The following ZNF16 variants were observed in gnomAD, a reference collection of about 807,000 sequenced individuals.
ZNF16 encodes zinc finger protein KOX9.
In ZNF16, 7 loss-of-function variants were observed where a neutral mutation model predicts 9.0. The ratio of observed to expected loss-of-function variants is 0.78; its 90% CI spans 0.44 to 1.47. ZNF16 has a LOEUF of 1.47. Ranked by LOEUF, ZNF16 falls within the 40% of genes most tolerant of loss-of-function variation. The pLI, the probability that ZNF16 is intolerant of heterozygous loss-of-function variation, is 0.01. For synonymous variants in ZNF16, 312 were observed against 301.5 expected (o/e 1.03, Z -0.36); for missense variants, 830 against 854.2 (o/e 0.97, Z 0.35).
At position 144,930,663 on chromosome 8, in the gene ZNF16, C is replaced by T; in HGVS notation, c.*75G>A. 1 of 1,479,494 alleles carries T rather than the reference C, an allele frequency of 6.8e-7. No individual in the cohort carries two copies. The allele number at this position is 1,479,494 out of a possible 1,614,324, so 91.6% of individuals were successfully genotyped here. A position where few individuals can be genotyped will look rare whatever the true frequency, so the allele number is the denominator to read the frequency against. ...TCCAGGCTTTCGGTCTGGGAAGTGG[C>T]AGAGGCTGAGACAATGGCCAAAGAG... On this transcript the variant is annotated 3_prime_UTR_variant, in exon 3 of 3. Coordinates refer to ENST00000394909, the MANE Select transcript of ZNF16 (RefSeq NM_006958.3).
Position 144,930,669 on chromosome 8 carries a change from C to G in ZNF16, c.*69G>C, listed in dbSNP as rs938250298. The G allele has an allele frequency of 6.0e-6, 9 of 1,497,574 alleles. No homozygotes were observed. The Admixed American group carries it at 2.1e-4, about 35-fold the overall frequency. The allele number at this position is 1,497,574 out of a possible 1,614,324, so 92.8% of individuals were successfully genotyped here. A position where few individuals can be genotyped will look rare whatever the true frequency, so the allele number is the denominator to read the frequency against. The stretch of plus-strand genomic sequence containing the variant: ...CTTTCGGTCTGGGAAGTGGCAGAGG[C>G]TGAGACAATGGCCAAAGAGGAGTTG... On this transcript the variant is annotated 3_prime_UTR_variant, in exon 3 of 3. Coordinates refer to ENST00000394909, the MANE Select transcript of ZNF16 (RefSeq NM_006958.3).
At chr8:144,934,438 T>A (rs1312060353) in intron 2 of ZNF16, among the ~76,000 whole-genome samples, 1 of 152,260 alleles carries the variant, frequency 6.6e-6, no homozygotes, top group Non-Finnish European at 1.5e-5. Flanking sequence ...ACACTCCACA[T>A]GGGCTGCAGG....
chr8:144,945,861 C>T lies in ZNF16; in HGVS notation c.196+150G>A, dbSNP rs541008329. The T allele has an allele frequency of 1.9e-4, 274 of 1,408,600 alleles. No individual in the cohort carries two copies. In the African/African-American group the frequency reaches 3.5e-3, roughly 18 times the overall value. The allele number at this position is 1,408,600 out of a possible 1,614,324, so 87.3% of individuals were successfully genotyped here. On this transcript the variant is annotated intron_variant, in intron 2 of 2. Transcript: ENST00000394909. ...GGGCCAGGCTAGGTTAACTTCCTTG[C>T]TGACATCCAGCCTTGGCTCCTTGAG...
chr8:144,935,718 T>C (rs1833666320), intron 2 of ZNF16, among the ~76,000 whole-genome samples: 1 of 152,206 alleles, frequency 6.6e-6, no homozygotes, highest in African/African-American at 2.4e-5. Context: ...TCCAGGTTTG[T>C]GGAACAGCTT....
At position 144,932,326 on chromosome 8, in the gene ZNF16, TC is replaced by T. The variant is rs1438800266; in HGVS notation, c.460del (p.Asp154ThrfsTer11). The T allele has an allele frequency of 6.2e-7, 1 of 1,613,982 alleles. No individual in the cohort carries two copies. The highest frequency in any genetic ancestry group is 2.2e-5 in the East Asian group (1 of 44,868). On this transcript the variant is annotated frameshift_variant, in exon 3 of 3. Transcript: ENST00000394909. LOFTEE classifies it low-confidence loss of function (END_TRUNC). The surrounding 1 kb of genome is among the most constrained non-coding windows in gnomAD (Gnocchi z 5.0). ...GAAGCGACTGTCAAAACCATTACAG[TC>T]CAGATCTTTCTCCCCTAAGGGGCCC... ...LRGPLGEKDL[D>X]CNGFDSRFSL...
In ZNF16 at chr8:144,949,958, C is replaced by T. The variant is rs573649291; in HGVS notation, c.-10+839G>A. On this transcript the variant is annotated intron_variant, in intron 1 of 2. Transcript: ENST00000394909. ...GAGGAAGGCCACTCTCTCCTGCCTGCCCCTGGGAACTGAATGTCTCGGTAT... is the reference window on the plus strand; with the variant it reads ...GAGGAAGGCCACTCTCTCCTGCCTGTCCCTGGGAACTGAATGTCTCGGTAT... Among the ~76,000 whole-genome samples, 10 of 152,264 alleles carry T rather than the reference C, an allele frequency of 6.6e-5. No individual in the cohort carries two copies. The East Asian group carries it at 9.7e-4, about 15-fold the overall frequency.
At chr8:144,941,953 G>A (rs1385806213) in intron 2 of ZNF16, among the ~76,000 whole-genome samples, 2 of 145,614 alleles carry the variant, frequency 1.4e-5, no homozygotes, top group African/African-American at 2.6e-5. Flanking sequence ...CACCGCGCCT[G>A]GCCTCTTGTG....
At chr8:144,937,209 C>T (rs1185298446) in intron 2 of ZNF16, among the ~76,000 whole-genome samples, 3 of 133,324 alleles carry the variant, frequency 2.3e-5, no homozygotes, top group Non-Finnish European at 4.6e-5. Context: ...TACACTGGTG[C>T]GATCTTGGCT....
At chr8:144,948,223 C>T (rs1381148246) in intron 1 of ZNF16, 1 of 152,216 alleles carries the variant, frequency 6.6e-6, no homozygotes, top group East Asian at 1.9e-4. Flanking sequence ...GATAAGGGGC[C>T]TTGGCTGCCA....
At chr8:144,941,849 G>A (rs1833803316) in intron 2 of ZNF16, among the ~76,000 whole-genome samples, 1 of 150,856 alleles carries the variant, frequency 6.6e-6, no homozygotes, top group East Asian at 2.0e-4. Flanking sequence ...TAGTAGAGAT[G>A]GGGTTTCACT....
intron 2 of ZNF16, among the ~76,000 whole-genome samples, chr8:144,936,908 T>C (rs1214156777): frequency 6.6e-6 from 1 of 152,056 alleles, no homozygotes; most frequent in Non-Finnish European, 1.5e-5. Flanking sequence ...TTGGCCAGCA[T>C]GGTCTTAAAC....
intron 1 of ZNF16, among the ~76,000 whole-genome samples, chr8:144,950,168 T>C (rs553994586): frequency 3.9e-4 from 60 of 151,904 alleles, no homozygotes; most frequent in Non-Finnish European, 7.1e-4. Flanking sequence ...AACTTAATTA[T>C]GGCACAGATT....
chr8:144,946,233 C>T lies in ZNF16; in HGVS notation c.-9-18G>A, dbSNP rs749958115. The T allele has an allele frequency of 4.7e-6, 7 of 1,498,936 alleles. No homozygotes were observed. The East Asian group carries it at 1.6e-4, about 35-fold the overall frequency. 92.9% of individuals were successfully genotyped at this position (1,498,936 alleles called of 1,614,324 possible). A position where few individuals can be genotyped will look rare whatever the true frequency, so the allele number is the denominator to read the frequency against. On this transcript the variant is annotated intron_variant, in intron 1 of 2. Transcript: ENST00000394909. ...ACAAGGACCTGAAAACCGGCAAGAA[C>T]ACAGGTGAGTCTACAGACAGGCTAG...
At chr8:144,948,065 G>C (rs1420851576) in intron 1 of ZNF16, 1 of 152,638 alleles carries the variant, frequency 6.6e-6, no homozygotes, top group Non-Finnish European at 1.5e-5. Context: ...GAAGGATGGT[G>C]CAGGGAGTCA....
chr8:144,946,914 G>A (rs552992145), intron 1 of ZNF16, among the ~76,000 whole-genome samples: 5 of 118,188 alleles, frequency 4.2e-5, no homozygotes, highest in Admixed American at 1.7e-4. Context: ...CCTGTACCCT[G>A]CTGTGGGCCA....
chr8:144,937,677 T>C (rs1340330003), intron 2 of ZNF16, among the ~76,000 whole-genome samples: 6 of 152,008 alleles, frequency 3.9e-5, no homozygotes, highest in Admixed American at 3.9e-4. Context: ...AAGGTAGGGG[T>C]TCACCTTCAC....
intron 2 of ZNF16, chr8:144,944,129 G>A (rs1465268018): frequency 6.7e-6 from 1 of 149,570 alleles, no homozygotes; most frequent in Admixed American, 6.7e-5. Context: ...GGAGTGCAGT[G>A]GTGTGATCTC....
At chr8:144,941,942 C>T (rs1248730973) in intron 2 of ZNF16, among the ~76,000 whole-genome samples, 1 of 148,906 alleles carries the variant, frequency 6.7e-6, no homozygotes, top group African/African-American at 2.5e-5. Flanking sequence ...CAGGCGTGAG[C>T]CACCGCGCCT....
chr8:144,947,676 C>G (rs1422914351), intron 1 of ZNF16, among the ~76,000 whole-genome samples: 1 of 152,182 alleles, frequency 6.6e-6, no homozygotes, highest in East Asian at 1.9e-4. Context: ...CTCTCATTCC[C>G]CATTTCATGT....
Sources: allele counts gnomAD v4.1 joint callset (sites outside exome capture counted in the v4.1 genomes callset), GRCh38; gene constraint gnomAD v4.1.1; non-coding constraint Gnocchi (gnomAD v3.1); transcripts MANE v1.5; gene names NCBI Gene and HGNC (gene_info 2026-07-23, HGNC 2026-07-21).